Variants in OR9G1 observed in about 807,000 individuals in gnomAD.
OR9G1 encodes olfactory receptor family 9 subfamily G member 1.
A neutral mutation model predicts 14.5 loss-of-function variants in OR9G1; 21 were observed. The ratio of observed to expected loss-of-function variants is 1.45; its 90% confidence interval spans 1.03 to 2.09. The LOEUF (loss-of-function observed/expected upper bound fraction) is 2.09, where lower values mean the gene tolerates loss of function less well. Among genes scored for constraint, OR9G1 ranks in the 30% most tolerant of loss-of-function variants. OR9G1 has a pLI of 0.00. For missense variants in OR9G1, 476 were observed against 364.2 expected, an observed-to-expected ratio of 1.31 and a Z score of -2.50; for synonymous variants, 179 against 153.3, an observed-to-expected ratio of 1.17 and a Z score of -1.24.
rs1228732919 is a variant in OR9G1, at chr11:56,702,970, G to C, written c.*1665G>C. ...GTGATGGACATAATAATTAGTCGAA[G>C]ATGTTCAATCTACAATGTATACATG... is the stretch of plus-strand genomic sequence containing the variant. On this transcript the variant is annotated 3_prime_UTR_variant, in exon 2 of 2. Coordinates refer to ENST00000642097, the MANE Select transcript of OR9G1 (RefSeq NM_001005213.2). 1 of 152,296 alleles carries C rather than the reference G, an allele frequency of 6.6e-6. No individual in the cohort carries two copies. The allele number at this position is 152,296 out of a possible 1,614,324, so 9.4% of individuals were successfully genotyped here.
Position 56,700,737 on chromosome 11 carries a change from T to C in OR9G1, c.350T>C (p.Val117Ala), listed in dbSNP as rs748321032. The C allele has an allele frequency of 3.1e-6, 5 of 1,614,300 alleles. No individual in the cohort carries two copies. In the East Asian group the frequency reaches 8.9e-5, roughly 29 times the overall value. The change falls in exon 2 of 2, where the codon GTG (valine) becomes GCG (alanine). Residue 117 changes from valine to alanine, a missense_variant. Physicochemically the swap from Val to Ala is moderately conservative, Grantham distance 64. Around this residue, in one of 3 missense-constraint regions of OR9G1, gnomAD observed 35 missense variants for 67.6 expected, o/e 0.52. Coordinates refer to ENST00000642097, the MANE Select transcript of OR9G1 (RefSeq NM_001005213.2). ...AGTGAGTGCTACCTGCTGGCTGCCGTGGCTTATGACCGCTACGTGGCCATC... is the reference window on the plus strand; with the variant it reads ...AGTGAGTGCTACCTGCTGGCTGCCGCGGCTTATGACCGCTACGTGGCCATC... ...AYSECYLLAA[V>A]AYDRYVAISK...
rs2000896 is a variant in OR9G1, at chr11:56,701,568, T to G, written c.*263T>G. On this transcript the variant is annotated 3_prime_UTR_variant, in exon 2 of 2. Coordinates refer to ENST00000642097, the MANE Select transcript of OR9G1 (RefSeq NM_001005213.2). ...AAACCTCTCCTATACCTTCATAAAGTGAGGAACAGCCTACCTCATTAGCCT... is the reference window on the plus strand; with the variant it reads ...AAACCTCTCCTATACCTTCATAAAGGGAGGAACAGCCTACCTCATTAGCCT... 6 of 468,980 alleles carry G rather than the reference T, an allele frequency of 1.3e-5. No homozygotes were observed. The highest frequency in any genetic ancestry group is 1.0e-4 in the African/African-American group (5 of 48,984). The allele number at this position is 468,980 out of a possible 1,614,324, so 29.1% of individuals were successfully genotyped here.
Position 56,701,142 on chromosome 11 carries a change from G to T in OR9G1, c.755G>T (p.Gly252Val). The change falls in exon 2 of 2, where the codon GGC (glycine) becomes GTC (valine). Residue 252 changes from glycine to valine, a missense_variant. By Grantham distance (109) the Gly-to-Val change is moderately radical. Around this residue, in one of 3 missense-constraint regions of OR9G1, gnomAD observed 352 missense variants for 211.6 expected, o/e 1.66. Transcript: ENST00000642097. Reference sequence around the variant, plus strand: ...CTGACCTCTGTCACTTTATACTATGGCTCCATTCTCTACATCTACGCTCTC... The same window carrying T: ...CTGACCTCTGTCACTTTATACTATGTCTCCATTCTCTACATCTACGCTCTC... ...SHLTSVTLYY[G>V]SILYIYALPR... 1.2e-6 allele frequency: 2 copies of T among 1,614,314 alleles called. No individual in the cohort carries two copies. Among genetic ancestry groups the T allele is most frequent in the Non-Finnish European group, 1.7e-6 (2 of 1,180,056 alleles).
rs1412390772 is a variant in OR9G1, at chr11:56,699,104, C to G, written c.-105C>G. 6.5e-6 allele frequency: 1 copy of G among 153,018 alleles called. No homozygotes were observed. The highest frequency in any genetic ancestry group is 1.5e-5 in the Non-Finnish European group (1 of 68,534). 9.5% of individuals were successfully genotyped at this position (153,018 alleles called of 1,614,324 possible). On this transcript the variant is annotated 5_prime_UTR_variant, in exon 1 of 2. Transcript: ENST00000642097. Reference sequence around the variant, plus strand: ...ATGGAGAAGACCAGTGGTTCAAGCGCTGATTCTGGGGACACTCCAAAGTTC... The same window carrying G: ...ATGGAGAAGACCAGTGGTTCAAGCGGTGATTCTGGGGACACTCCAAAGTTC...
chr11:56,700,852 T>G lies in OR9G1; in HGVS notation c.465T>G (p.Ser155=). ...CATATTGTGGTGGCTTTATTAACTC[T>G]TCAATCATCACCAAGAAAACGTTTT... ...AVSYCGGFIN[S]SIITKKTFSF... The change falls in exon 2 of 2, where the codon TCT becomes TCG. Residue 155 remains serine, a synonymous_variant. Coordinates refer to ENST00000642097, the MANE Select transcript of OR9G1 (RefSeq NM_001005213.2). The G allele has an allele frequency of 6.2e-7, 1 of 1,614,318 alleles. No homozygotes were observed. The highest frequency in any genetic ancestry group is 8.5e-7 in the Non-Finnish European group (1 of 1,180,062).
Position 56,701,067 on chromosome 11 carries a change from T to A in OR9G1, c.680T>A (p.Ile227Asn). Residue 227 changes from isoleucine to asparagine, a missense_variant, in exon 2 of 2, where the codon ATC becomes AAC. Physicochemically the swap from Ile to Asn is moderately radical, Grantham distance 149. This residue lies in a region of OR9G1 where 352 missense variants were observed against 211.6 expected (regional missense o/e 1.66). Coordinates refer to ENST00000642097, the MANE Select transcript of OR9G1 (RefSeq NM_001005213.2). ...YLFIITSVLR[I>N]SSSKGYLKAF... ...TTTATCATCACCAGTGTCTTGAGGA[T>A]CTCCTCCTCCAAGGGCTACCTCAAA... is the stretch of plus-strand genomic sequence containing the variant. The A allele has an allele frequency of 1.2e-6, 2 of 1,614,320 alleles. No homozygotes were observed. The highest frequency in any genetic ancestry group is 1.7e-6 in the Non-Finnish European group (2 of 1,180,060).
chr11:56,701,820 C>A lies in OR9G1; in HGVS notation c.*515C>A, dbSNP rs1274870698. 2 of 135,842 alleles carry A rather than the reference C, an allele frequency of 1.5e-5. No individual in the cohort carries two copies. Among genetic ancestry groups the A allele is most frequent in the Admixed American group, 7.5e-5 (1 of 13,268 alleles). 8.4% of individuals were successfully genotyped at this position (135,842 alleles called of 1,614,324 possible). ...AAGAAATAACTCAGTACAAATGAGA[C>A]CCAGAAAGGCATGACCTTGCTATGC... On this transcript the variant is annotated 3_prime_UTR_variant, in exon 2 of 2. Coordinates refer to ENST00000642097, the MANE Select transcript of OR9G1 (RefSeq NM_001005213.2).
At chr11:56,700,220 C>G (rs75592766) in intron 1 of OR9G1, 150 bp from the exon 2 acceptor site, 2 of 1,235,046 alleles carry the variant, frequency 1.6e-6, no homozygotes, top group Non-Finnish European at 2.2e-6. Flanking sequence ...AATTGCAAAG[C>G]CTGATTGTTG....
chr11:56,701,208 C>G lies in OR9G1; in HGVS notation c.821C>G (p.Ser274Cys). 1 of 1,614,300 alleles carries G rather than the reference C, an allele frequency of 6.2e-7. No individual in the cohort carries two copies. Among genetic ancestry groups the G allele is most frequent in the Non-Finnish European group, 8.5e-7 (1 of 1,180,050 alleles). The stretch of plus-strand genomic sequence containing the variant: ...TCTTTTGATATGGACAAAATAGTTT[C>G]TACATTTTACACTGTGGTATTCCCC... ...SYSFDMDKIV[S>C]TFYTVVFPML... The change falls in exon 2 of 2, where the codon TCT (serine) becomes TGT (cysteine). Residue 274 changes from serine to cysteine, a missense_variant. Ser to Cys is a moderately radical substitution (Grantham distance 112). Transcript: ENST00000642097.
rs1271683375 is a variant in OR9G1 at position 56,703,588 on chromosome 11, G to A, written c.*2283G>A. The A allele has an allele frequency of 6.6e-6, 1 of 152,294 alleles. No homozygotes were observed. The highest frequency in any genetic ancestry group is 1.5e-5 in the Non-Finnish European group (1 of 68,050). The allele number at this position is 152,294 out of a possible 1,614,324, so 9.4% of individuals were successfully genotyped here. ...ATTTTATGTTTCTTGACCGAAACTA[G>A]AAAGTACATCATTCCAGAGGGAAGC... On this transcript the variant is annotated 3_prime_UTR_variant, in exon 2 of 2. Transcript: ENST00000642097.
chr11:56,701,473 C>T lies in OR9G1; in HGVS notation c.*168C>T. 1.0e-6 allele frequency: 1 copy of T among 955,924 alleles called. No individual in the cohort carries two copies. The highest frequency in any genetic ancestry group is 2.1e-5 in the South Asian group (1 of 48,444). 59.2% of individuals were successfully genotyped at this position (955,924 alleles called of 1,614,324 possible). A position where few individuals can be genotyped will look rare whatever the true frequency, so the allele number is the denominator to read the frequency against. On this transcript the variant is annotated 3_prime_UTR_variant, in exon 2 of 2. Transcript: ENST00000642097. ...TTAGGAAAATTTCGGACAAAAACAT[C>T]TGAATATATAAGAATTTGAATTGAA...
In OR9G1 at chr11:56,701,412, G is replaced by A; in HGVS notation, c.*107G>A. 7.0e-7 allele frequency: 1 copy of A among 1,431,644 alleles called. No individual in the cohort carries two copies. The highest frequency in any genetic ancestry group is 9.2e-7 in the Non-Finnish European group (1 of 1,082,134). 88.7% of individuals were successfully genotyped at this position (1,431,644 alleles called of 1,614,324 possible). On this transcript the variant is annotated 3_prime_UTR_variant, in exon 2 of 2. Transcript: ENST00000642097. The stretch of plus-strand genomic sequence containing the variant: ...CTTTATCGTGATCAGTCCCCTTCTT[G>A]ACACGTGAGAGTTACAGACATGTAC...
rs142629362 is a variant in OR9G1, at chr11:56,701,205, T to A, written c.818T>A (p.Val273Asp). 2 of 1,614,256 alleles carry A rather than the reference T, an allele frequency of 1.2e-6. No individual in the cohort carries two copies. Among genetic ancestry groups the A allele is most frequent in the Non-Finnish European group, 1.7e-6 (2 of 1,180,050 alleles). Residue 273 changes from valine (V) to aspartate (D), a missense_variant, in exon 2 of 2, where the codon GTT (valine) becomes GAT (aspartate). Coordinates refer to ENST00000642097, the MANE Select transcript of OR9G1 (RefSeq NM_001005213.2). The part of the protein sequence containing the change: ...SSYSFDMDKI[V>D]STFYTVVFPM... ...TATTCTTTTGATATGGACAAAATAG[T>A]TTCTACATTTTACACTGTGGTATTC...
intron 1 of OR9G1, among the ~76,000 whole-genome samples, chr11:56,699,594 A>ACATT (rs143675659): frequency 0.079 from 11,596 of 146,680 alleles, no homozygotes; most frequent in African/African-American, 0.11. Flanking sequence ...AGACAGATGT[A>ACATT]TGCTAGATAT....
At position 56,700,827 on chromosome 11, in the gene OR9G1, C is replaced by T. The variant is rs1294953074; in HGVS notation, c.440C>T (p.Ser147Leu). Residue 147 changes from serine to leucine, a missense_variant, in exon 2 of 2, where the codon TCA becomes TTA. By Grantham distance (145) the Ser-to-Leu change is moderately radical (BLOSUM62 -2). Around this residue, in one of 3 missense-constraint regions of OR9G1, gnomAD observed 352 missense variants for 211.6 expected, o/e 1.66. Transcript: ENST00000642097. ...CTGTGTGCATTGCTGGTAGCAGTCT[C>T]ATATTGTGGTGGCTTTATTAACTCT... is the stretch of plus-strand genomic sequence containing the variant. ...IKLCALLVAVSYCGGFINSSI... is the reference protein window; with the variant it reads ...IKLCALLVAVLYCGGFINSSI... 2.5e-6 allele frequency: 4 copies of T among 1,614,318 alleles called. No homozygotes were observed. The highest frequency in any genetic ancestry group is 2.5e-6 in the Non-Finnish European group (3 of 1,180,062).
Position 56,700,768 on chromosome 11 carries a change from G to A in OR9G1, c.381G>A (p.Lys127=), listed in dbSNP as rs1431706704. ...ATGACCGCTACGTGGCCATCTCCAAGCCCCTGCTTTATGCCCAGGCCATGT... is the reference window on the plus strand; with the variant it reads ...ATGACCGCTACGTGGCCATCTCCAAACCCCTGCTTTATGCCCAGGCCATGT... The part of the protein sequence containing the change: ...VAYDRYVAIS[K]PLLYAQAMSI... The change falls in exon 2 of 2, where the codon AAG becomes AAA. Residue 127 remains lysine (K), a synonymous_variant. Coordinates refer to ENST00000642097, the MANE Select transcript of OR9G1 (RefSeq NM_001005213.2). 1 of 1,614,292 alleles carries A rather than the reference G, an allele frequency of 6.2e-7. No homozygotes were observed. The highest frequency in any genetic ancestry group is 1.1e-5 in the South Asian group (1 of 91,092).
rs530142 is a variant in OR9G1 at position 56,701,352 on chromosome 11, G to T, written c.*47G>T. The T allele has an allele frequency of 2.0e-6, 3 of 1,536,658 alleles. No homozygotes were observed. Among genetic ancestry groups the T allele is most frequent in the Non-Finnish European group, 2.6e-6 (3 of 1,153,808 alleles). The stretch of plus-strand genomic sequence containing the variant: ...GGAGAAACAAAGACGACCTTAGATG[G>T]AGTGTTGTGTATTTCAAACAGAGTT... On this transcript the variant is annotated 3_prime_UTR_variant, in exon 2 of 2. Transcript: ENST00000642097.
rs1857656714 is a variant in OR9G1, at chr11:56,702,368, T to C, written c.*1063T>C. On this transcript the variant is annotated 3_prime_UTR_variant, in exon 2 of 2. Coordinates refer to ENST00000642097, the MANE Select transcript of OR9G1 (RefSeq NM_001005213.2). The stretch of plus-strand genomic sequence containing the variant: ...ACTGCAATGAACATGAAAGCACAGA[T>C]ATCTCCTCAACATACCTATATCAAT... The C allele has an allele frequency of 6.6e-6, 1 of 152,286 alleles. No individual in the cohort carries two copies. The highest frequency in any genetic ancestry group is 2.4e-5 in the African/African-American group (1 of 41,482). The allele number at this position is 152,286 out of a possible 1,614,324, so 9.4% of individuals were successfully genotyped here. A position where few individuals can be genotyped will look rare whatever the true frequency, so the allele number is the denominator to read the frequency against.
Position 56,701,387 on chromosome 11 carries a change from C to T in OR9G1, c.*82C>T. 3 of 1,503,670 alleles carry T rather than the reference C, an allele frequency of 2.0e-6. No individual in the cohort carries two copies. Among genetic ancestry groups the T allele is most frequent in the Middle Eastern group, 1.8e-4 (1 of 5,618 alleles). 93.1% of individuals were successfully genotyped at this position (1,503,670 alleles called of 1,614,324 possible). ...TATTTCAAACAGAGTTACCATTGTGCTTTATCGTGATCAGTCCCCTTCTTG... is the reference window on the plus strand; with the variant it reads ...TATTTCAAACAGAGTTACCATTGTGTTTTATCGTGATCAGTCCCCTTCTTG... On this transcript the variant is annotated 3_prime_UTR_variant, in exon 2 of 2. Coordinates refer to ENST00000642097, the MANE Select transcript of OR9G1 (RefSeq NM_001005213.2).
Sources: allele counts gnomAD v4.1 joint callset (sites outside exome capture counted in the v4.1 genomes callset), GRCh38; gene constraint gnomAD v4.1.1; regional missense constraint gnomAD v4.1.1; transcripts MANE v1.5; gene names NCBI Gene and HGNC (gene_info 2026-07-23, HGNC 2026-07-21).